PIGN: variants seen among roughly 807,000 people sequenced by gnomAD.
PIGN encodes the protein phosphatidylinositol glycan anchor biosynthesis class N, also known as GPI ethanolamine phosphate transferase 1.
Under a neutral mutation model 125.4 loss-of-function variants are expected in PIGN, and 117 were observed. That is an observed-to-expected ratio of 0.93 (90% CI 0.80 to 1.09). The LOEUF (loss-of-function observed/expected upper bound fraction) is 1.09, where lower values mean the gene tolerates loss of function less well. Among genes scored for constraint, PIGN ranks in the 50% least tolerant of loss-of-function variants. PIGN has a pLI of 0.00. For missense variants in PIGN, 1,075 were observed against 1,094.9 expected (o/e 0.98, Z 0.26); for synonymous variants, 392 against 377.8 (o/e 1.04, Z -0.44).
intron 1 of PIGN, among the ~76,000 whole-genome samples, chr18:62,171,415 A>C (rs772145387): frequency 1.6e-4 from 25 of 152,326 alleles, no homozygotes; most frequent in Admixed American, 5.9e-4. Flanking sequence ...TTATCTATGA[A>C]TAAAGACAAT....
intron 20 of PIGN, chr18:62,103,761 T>G (rs2034535432): frequency 6.6e-6 from 1 of 152,164 alleles, no homozygotes; most frequent in Admixed American, 6.5e-5. Flanking sequence ...AAATGCTTGA[T>G]GGTTGGTTGT....
At chr18:62,059,394 A>G (rs1170265892) in intron 30 of PIGN, among the ~76,000 whole-genome samples, 5 of 152,088 alleles carry the variant, frequency 3.3e-5, no homozygotes, top group Admixed American at 3.3e-4. Flanking sequence ...AGGACCATAA[A>G]AGATTAATCT....
intron 1 of PIGN, among the ~76,000 whole-genome samples, chr18:62,169,165 T>C (rs1459809445): frequency 6.6e-6 from 1 of 152,116 alleles, no homozygotes; most frequent in African/African-American, 2.4e-5. Context: ...ATGTATTTTC[T>C]ACCACTATAG....
chr18:62,101,241 G>T, intron 21 of PIGN, 58 bp from the exon 22 acceptor site: 2 of 929,352 alleles, frequency 2.2e-6, no homozygotes, highest in Non-Finnish European at 3.4e-6. Flanking sequence ...ACTCTAACTA[G>T]CAAGAATGTA....
At chr18:62,054,055 T>TA (rs2031530366) in intron 30 of PIGN, among the ~76,000 whole-genome samples, 1 of 151,634 alleles carries the variant, frequency 6.6e-6, no homozygotes. Flanking sequence ...GTAATGAAAA[T>TA]AAAAAACCAA....
At chr18:62,081,514 CTGTTG>C (rs1406791257) in intron 28 of PIGN, among the ~76,000 whole-genome samples, 1 of 152,134 alleles carries the variant, frequency 6.6e-6, no homozygotes, top group African/African-American at 2.4e-5. Context: ...CAGTTCTCTC[CTGTTG>C]TGTTTTGTTT....
At chr18:62,103,818 A>C (rs2034538394) in intron 20 of PIGN, 1 of 152,226 alleles carries the variant, frequency 6.6e-6, no homozygotes, top group Non-Finnish European at 1.5e-5. Context: ...AAAGGTAATC[A>C]TATATTCAAC....
Position 62,139,084 on chromosome 18 carries a change from A to T in PIGN, c.1024-9T>A. ...TCCACAGGAAGGATTCCCTGAAAAT[A>T]ACAAACACCAGCTTATTGATAGTAT... On this transcript the variant is annotated splice_polypyrimidine_tract_variant and intron_variant, in intron 12 of 30. Coordinates refer to ENST00000640252, the MANE Select transcript of PIGN (RefSeq NM_176787.5). 1 of 1,529,550 alleles carries T rather than the reference A, an allele frequency of 6.5e-7. No homozygotes were observed. The allele number at this position is 1,529,550 out of a possible 1,614,324, so 94.7% of individuals were successfully genotyped here.
At chr18:62,023,375 G>A (rs2030077538) in intron 23 of PIGN, among the ~76,000 whole-genome samples, 1 of 152,086 alleles carries the variant, frequency 6.6e-6, no homozygotes, top group Non-Finnish European at 1.5e-5. Context: ...TGTTTTCAAG[G>A]TCACCCATGT....
intron 30 of PIGN, among the ~76,000 whole-genome samples, chr18:62,063,019 T>C (rs555214775): frequency 2.6e-5 from 4 of 151,198 alleles, no homozygotes; most frequent in Non-Finnish European, 5.9e-5. Flanking sequence ...AACATCATGA[T>C]AGACGTTAAA....
At chr18:62,111,294 T>C (rs541128737) in intron 16 of PIGN, among the ~76,000 whole-genome samples, 1 of 152,166 alleles carries the variant, frequency 6.6e-6, no homozygotes, top group South Asian at 2.1e-4. Flanking sequence ...CCTGGAACAG[T>C]GGGGCTCAAT....
At chr18:62,030,382 G>A (rs2030179732) in intron 23 of PIGN, among the ~76,000 whole-genome samples, 1 of 152,320 alleles carries the variant, frequency 6.6e-6, no homozygotes, top group South Asian at 2.1e-4. Flanking sequence ...TACTGAGAAT[G>A]AGGCACTTCT....
intron 23 of PIGN, among the ~76,000 whole-genome samples, chr18:62,034,576 C>G (rs750403067): frequency 1.3e-5 from 2 of 152,156 alleles, no homozygotes; most frequent in African/African-American, 4.8e-5. Context: ...ATCAGTGTGA[C>G]CTGGATGTGA....
chr18:62,122,684 T>C (rs2035352980), intron 14 of PIGN, among the ~76,000 whole-genome samples: 1 of 152,200 alleles, frequency 6.6e-6, no homozygotes, highest in African/African-American at 2.4e-5. Flanking sequence ...CCTGATTAGT[T>C]ACTCTTACTT....
At chr18:62,185,102 T>C (rs1457083671) in intron 1 of PIGN, among the ~76,000 whole-genome samples, 1 of 152,230 alleles carries the variant, frequency 6.6e-6, no homozygotes, top group East Asian at 1.9e-4. Flanking sequence ...TTCCCAATCA[T>C]GGAGATGGAA....
At chr18:62,118,407 C>T (rs1427974027) in intron 14 of PIGN, 1 of 151,074 alleles carries the variant, frequency 6.6e-6, no homozygotes, top group East Asian at 1.9e-4. Context: ...TTGAAGGTAC[C>T]AAAACAATCA....
Position 62,147,029 on chromosome 18 carries a change from A to G in PIGN, c.747T>C (p.Tyr249=), listed in dbSNP as rs1457127132. Residue 249 remains tyrosine, a synonymous_variant, in exon 9 of 31, where the codon TAT becomes TAC. Transcript: ENST00000640252. ...KEIVSMFNHF[Y]GNDGKTTFIF... is the part of the protein sequence containing the mutation. Reference sequence around the variant, plus strand: ...TAAATGTTGTTTTCCCATCATTTCCATAGAAGTGGTTAAACATAGACACGA... The same window carrying G: ...TAAATGTTGTTTTCCCATCATTTCCGTAGAAGTGGTTAAACATAGACACGA... 1.2e-6 allele frequency: 2 copies of G among 1,611,960 alleles called. No homozygotes were observed. The highest frequency in any genetic ancestry group is 2.2e-5 in the East Asian group (1 of 44,706).
chr18:62,105,294 A>T (rs2034591363), intron 20 of PIGN: 4 of 273,712 alleles, frequency 1.5e-5, no homozygotes, highest in Non-Finnish European at 2.1e-5. Context: ...AAACAAAAAA[A>T]AATGGGCGGG....
At position 62,119,062 on chromosome 18, in the gene PIGN, T is replaced by C. The variant is rs572253543; in HGVS notation, c.1173-4423A>G. Among the ~76,000 whole-genome samples, 243 of 151,976 alleles carry C rather than the reference T, an allele frequency of 1.6e-3. 1 individual carries two copies. The highest frequency in any genetic ancestry group is 5.4e-3 in the African/African-American group (224 of 41,442). ...GGTTCTAGATACTACAAGGTCTGTA[T>C]AGGGATCCCTGAGATACTACACTCT... On this transcript the variant is annotated intron_variant, in intron 14 of 30. Transcript: ENST00000640252.
Sources: allele counts gnomAD v4.1 joint callset (sites outside exome capture counted in the v4.1 genomes callset), GRCh38; gene constraint gnomAD v4.1.1; transcripts MANE v1.5; gene names NCBI Gene and HGNC (gene_info 2026-07-23, HGNC 2026-07-21).